Variants in LRRC49 observed in about 807,000 individuals in gnomAD.
The protein encoded by LRRC49 is leucine-rich repeat-containing protein 49.
LRRC49 carries 50 observed loss-of-function variants against 83.3 expected under a neutral mutation model. That is an observed-to-expected ratio of 0.60 (90% CI 0.48 to 0.76). The LOEUF (loss-of-function observed/expected upper bound fraction) is 0.76. Ranked by LOEUF, LRRC49 falls within the 30% of genes least tolerant of loss-of-function variation. The probability of loss-of-function intolerance (pLI) is 0.00; values close to 1 mark genes in which losing one functional copy is unlikely to be tolerated. For synonymous variants in LRRC49, 286 were observed against 283.3 expected (o/e 1.01, Z -0.10); for missense variants, 704 against 809.1 (o/e 0.87, Z 1.58).
chr15:71,042,194 G>T (rs1036395096), intron 15 of LRRC49, among the ~76,000 whole-genome samples: 1 of 151,846 alleles, frequency 6.6e-6, no homozygotes, highest in Non-Finnish European at 1.5e-5. Context: ...TTTCTATGTT[G>T]CCCAGTCTGT....
chr15:70,858,908 T>C, intron 1 of LRRC49: 1 of 772,094 alleles, frequency 1.3e-6, no homozygotes, highest in Non-Finnish European at 2.4e-6. Flanking sequence ...GCATCACCGC[T>C]GTCACGGTCA....
intron 2 of LRRC49, among the ~76,000 whole-genome samples, chr15:70,879,820 T>C (rs558278009): frequency 5.9e-5 from 9 of 152,342 alleles, no homozygotes; most frequent in African/African-American, 2.2e-4. Flanking sequence ...ACTCTTGACA[T>C]GTCTCTCTTC....
chr15:71,050,848 T>TTC lies in LRRC49; in HGVS notation c.*1237_*1238insCT, dbSNP rs1435384247. 6.6e-6 allele frequency: 1 copy of TTC among 152,542 alleles called. No individual in the cohort carries two copies. Among genetic ancestry groups the TTC allele is most frequent in the African/African-American group, 2.4e-5 (1 of 41,390 alleles). The allele number at this position is 152,542 out of a possible 1,614,324, so 9.4% of individuals were successfully genotyped here. On this transcript the variant is annotated 3_prime_UTR_variant, in exon 16 of 16. Transcript: ENST00000260382. The stretch of plus-strand genomic sequence containing the variant: ...CTGTCCTGGTTTTTTCTTTTTCTTT[T>TTC]TTTTTTTTTGAGACAGAGTCTTGCT...
At chr15:70,881,673 G>T (rs978266672) in intron 2 of LRRC49, 1 of 152,154 alleles carries the variant, frequency 6.6e-6, no homozygotes, top group Non-Finnish European at 1.5e-5. Flanking sequence ...CAAAAGAGAG[G>T]TGTTGACAGA....
intron 8 of LRRC49, among the ~76,000 whole-genome samples, chr15:70,956,569 A>G (rs1028544502): frequency 3.3e-5 from 5 of 150,202 alleles, no homozygotes; most frequent in Non-Finnish European, 7.4e-5. Flanking sequence ...ATTTCACTAT[A>G]CTTACTGTTT....
Position 71,053,045 on chromosome 15 carries a change from T to C in LRRC49, c.*3433T>C, listed in dbSNP as rs1348245186. ...GTGTATTATTTAAGGATATACATAT[T>C]AAAGTGTAAAATATTGGCAGCTGGA... is the stretch of plus-strand genomic sequence containing the variant. On this transcript the variant is annotated 3_prime_UTR_variant, in exon 16 of 16. Coordinates refer to ENST00000260382, the MANE Select transcript of LRRC49 (RefSeq NM_017691.5). The C allele has an allele frequency of 6.6e-6, 1 of 152,220 alleles. No homozygotes were observed. Among genetic ancestry groups the C allele is most frequent in the Non-Finnish European group, 1.5e-5 (1 of 68,042 alleles). 9.4% of individuals were successfully genotyped at this position (152,220 alleles called of 1,614,324 possible). A position where few individuals can be genotyped will look rare whatever the true frequency, so the allele number is the denominator to read the frequency against.
chr15:70,892,285 C>A (rs1366163807), upstream of LRRC49: 43 of 1,555,092 alleles, frequency 2.8e-5, no homozygotes, highest in Non-Finnish European at 3.7e-5. Flanking sequence ...CGGCCGTCTT[C>A]GGTGCGCGGG....
chr15:70,864,555 T>C (rs1307151691), intron 1 of LRRC49, among the ~76,000 whole-genome samples: 1 of 152,194 alleles, frequency 6.6e-6, no homozygotes, highest in Non-Finnish European at 1.5e-5. Flanking sequence ...CATACTGAAT[T>C]TCTCTTAGTT....
At chr15:70,947,709 G>T (rs1489181539) in intron 8 of LRRC49, among the ~76,000 whole-genome samples, 10 of 152,182 alleles carry the variant, frequency 6.6e-5, no homozygotes, top group Non-Finnish European at 1.5e-4. Context: ...GACATTCTGG[G>T]TGAGAACTGT....
intron 7 of LRRC49, among the ~76,000 whole-genome samples, chr15:70,926,709 C>T (rs1414389821): frequency 6.6e-6 from 1 of 151,982 alleles, no homozygotes; most frequent in African/African-American, 2.4e-5. Context: ...TGATGTTCCC[C>T]TTCCTGTGTC....
intron 11 of LRRC49, among the ~76,000 whole-genome samples, chr15:70,990,541 G>A (rs906127199): frequency 9.9e-5 from 15 of 152,128 alleles, no homozygotes; most frequent in Non-Finnish European, 1.6e-4. Flanking sequence ...ATCTGTCACC[G>A]CTTTCTTTGA....
chr15:70,876,336 G>A (rs904819904), intron 2 of LRRC49, among the ~76,000 whole-genome samples: 1 of 152,180 alleles, frequency 6.6e-6, no homozygotes, highest in East Asian at 1.9e-4. Flanking sequence ...AAACCCCTTA[G>A]ACCCTTAGAA....
rs2039992595 is a variant in LRRC49 at position 71,051,380 on chromosome 15, A to C, written c.*1768A>C. On this transcript the variant is annotated 3_prime_UTR_variant, in exon 16 of 16. Coordinates refer to ENST00000260382, the MANE Select transcript of LRRC49 (RefSeq NM_017691.5). ...GCCCTAGGACAGAGGAGCTATTAGC[A>C]TTGCTTTCTGATCCTTTAGCCTCTC... 1 of 152,234 alleles carries C rather than the reference A, an allele frequency of 6.6e-6. No homozygotes were observed. The highest frequency in any genetic ancestry group is 6.5e-5 in the Admixed American group (1 of 15,282). 9.4% of individuals were successfully genotyped at this position (152,234 alleles called of 1,614,324 possible).
intron 3 of LRRC49, among the ~76,000 whole-genome samples, chr15:70,896,739 C>T (rs2033856142): frequency 6.6e-6 from 1 of 152,030 alleles, no homozygotes; most frequent in Admixed American, 6.6e-5. Context: ...CAGTATAGGC[C>T]TTTCTAGGTT....
chr15:70,990,638 C>T (rs1209578332), intron 11 of LRRC49, among the ~76,000 whole-genome samples: 1 of 152,188 alleles, frequency 6.6e-6, no homozygotes, highest in Non-Finnish European at 1.5e-5. Flanking sequence ...TGCGCTGCAC[C>T]CACTGTCCTG....
chr15:70,971,650 T>C (rs1323863796), intron 9 of LRRC49, among the ~76,000 whole-genome samples: 2 of 152,214 alleles, frequency 1.3e-5, no homozygotes. Flanking sequence ...ATCTGAGTGC[T>C]CCTATATTGG....
intron 2 of LRRC49, among the ~76,000 whole-genome samples, chr15:70,877,988 C>T (rs2033186970): frequency 6.6e-6 from 1 of 151,990 alleles, no homozygotes; most frequent in African/African-American, 2.4e-5. Flanking sequence ...ACAAAATTAG[C>T]CGGGTGTGGT....
chr15:70,877,248 T>A (rs1222646293), intron 2 of LRRC49, among the ~76,000 whole-genome samples: 1 of 152,234 alleles, frequency 6.6e-6, no homozygotes. Flanking sequence ...ATAATTTACA[T>A]ACAACTATTA....
At chr15:71,015,318 G>A (rs1016945410) in intron 14 of LRRC49, among the ~76,000 whole-genome samples, 4 of 152,148 alleles carry the variant, frequency 2.6e-5, no homozygotes, top group Admixed American at 6.5e-5. Context: ...GACTGGTTTC[G>A]TGACAGACAA....
Sources: allele counts gnomAD v4.1 joint callset (sites outside exome capture counted in the v4.1 genomes callset), GRCh38; gene constraint gnomAD v4.1.1; transcripts MANE v1.5; gene names NCBI Gene and HGNC (gene_info 2026-07-23, HGNC 2026-07-21).